Variants in RBBP8 observed in about 807,000 individuals in gnomAD.
RBBP8 encodes RB binding protein 8, endonuclease.
RBBP8 carries 88 observed loss-of-function variants against 108.3 expected under a neutral mutation model. The observed-to-expected ratio is 0.81, with a 90% confidence interval of 0.68 to 0.97. The LOEUF (loss-of-function observed/expected upper bound fraction) is 0.97. Among genes scored for constraint, RBBP8 ranks in the 50% least tolerant of loss-of-function variants. RBBP8 has a pLI of 0.00. For missense variants in RBBP8, 1,023 were observed against 1,049.0 expected (o/e 0.98, Z 0.34); for synonymous variants, 332 against 348.2 (o/e 0.95, Z 0.52).
intron 8 of RBBP8, among the ~76,000 whole-genome samples, chr18:22,988,887 G>T (rs1031739966): frequency 1.3e-5 from 2 of 152,202 alleles, no homozygotes; most frequent in Non-Finnish European, 2.9e-5. Flanking sequence ...TGATATTCAT[G>T]CTGTAACATA....
At chr18:22,969,170 G>A (rs745581276) in intron 5 of RBBP8, among the ~76,000 whole-genome samples, 3 of 150,868 alleles carry the variant, frequency 2.0e-5, no homozygotes, top group Non-Finnish European at 4.4e-5. Context: ...CAAGAAGCAG[G>A]TGGTGTTTTT....
At chr18:22,989,350 A>T (rs1239044517) in intron 9 of RBBP8, 32 bp downstream of exon 9, 1 of 1,450,384 alleles carries the variant, frequency 6.9e-7, no homozygotes. Context: ...CAATAACATG[A>T]ATTAATTTTA....
chr18:23,011,691 G>C (rs938124895), intron 16 of RBBP8, among the ~76,000 whole-genome samples: 1 of 152,006 alleles, frequency 6.6e-6, no homozygotes, highest in African/African-American at 2.4e-5. Context: ...CGCCTGCCTA[G>C]GTCTCCCAAA....
intron 17 of RBBP8, among the ~76,000 whole-genome samples, chr18:23,020,581 A>G (rs1162723770): frequency 6.6e-6 from 1 of 152,124 alleles, no homozygotes; most frequent in Non-Finnish European, 1.5e-5. Flanking sequence ...CAGCTCAGCA[A>G]TGAATGGCCT....
chr18:22,980,871 C>T (rs1014244786), intron 6 of RBBP8, among the ~76,000 whole-genome samples: 3 of 150,204 alleles, frequency 2.0e-5, no homozygotes, highest in South Asian at 2.1e-4. Flanking sequence ...TGTGCCACCA[C>T]GCCTGGCAAA....
At chr18:22,928,398 A>C (rs1361244974), upstream of RBBP8, among the ~76,000 whole-genome samples, 1 of 152,112 alleles carries the variant, frequency 6.6e-6, no homozygotes, top group Admixed American at 6.5e-5. Context: ...ATGAAGAGAG[A>C]TGTTAGGTTA....
At chr18:22,946,073 A>G (rs1911533637) in intron 2 of RBBP8, among the ~76,000 whole-genome samples, 1 of 152,234 alleles carries the variant, frequency 6.6e-6, no homozygotes, top group African/African-American at 2.4e-5. Flanking sequence ...TTCCTACCAC[A>G]GTCTAGTTTA....
At chr18:23,006,222 T>A in intron 15 of RBBP8, 141 bp from the exon 16 acceptor site, 1 of 719,600 alleles carries the variant, frequency 1.4e-6, no homozygotes, top group Non-Finnish European at 2.4e-6. Context: ...TTGCAGAAAA[T>A]TTAAATGAGT....
At chr18:23,013,177 T>C (rs1221691610) in intron 16 of RBBP8, among the ~76,000 whole-genome samples, 1 of 152,130 alleles carries the variant, frequency 6.6e-6, no homozygotes, top group Non-Finnish European at 1.5e-5. Flanking sequence ...AGTGATATTA[T>C]AGTAGAGAAA....
At chr18:22,941,565 T>G (rs1033407693) in intron 2 of RBBP8, among the ~76,000 whole-genome samples, 1 of 152,106 alleles carries the variant, frequency 6.6e-6, no homozygotes, top group Non-Finnish European at 1.5e-5. Flanking sequence ...AATCCCTATT[T>G]TACAGTGAGG....
At position 22,993,477 on chromosome 18, in the gene RBBP8, A is replaced by G; in HGVS notation, c.1650A>G (p.Pro550=). The change falls in exon 11 of 19, where the codon CCA becomes CCG. Residue 550 remains proline, a synonymous_variant. Transcript: ENST00000327155. ...DGNCTLPKDS[P]GEPCSQECII... ...ACTGCACGTTGCCCAAAGATTCCCC[A>G]GGGGAGCCCTGTTCACAGGAATGCA... is the stretch of plus-strand genomic sequence containing the variant. 1 of 1,614,214 alleles carries G rather than the reference A, an allele frequency of 6.2e-7. No individual in the cohort carries two copies. Among genetic ancestry groups the G allele is most frequent in the Non-Finnish European group, 8.5e-7 (1 of 1,180,036 alleles).
At chr18:22,965,273 T>G (rs550429879) in intron 4 of RBBP8, among the ~76,000 whole-genome samples, 2 of 152,148 alleles carry the variant, frequency 1.3e-5, no homozygotes, top group Non-Finnish European at 2.9e-5. Flanking sequence ...CTTTTGATAC[T>G]TGGTTATTTG....
intron 12 of RBBP8, 75 bp from the exon 13 acceptor site, chr18:22,996,299 G>A: frequency 1.3e-6 from 2 of 1,580,516 alleles, no homozygotes; most frequent in Non-Finnish European, 8.6e-7. Context: ...TATTCTTTAG[G>A]TCCCATAATA....
At chr18:23,001,837 C>T in intron 15 of RBBP8, 108 bp downstream of exon 15, 1 of 1,389,908 alleles carries the variant, frequency 7.2e-7, no homozygotes, top group Non-Finnish European at 9.9e-7. Context: ...ATTGAAGTTT[C>T]ATATTTCTTG....
At chr18:22,946,268 A>G in intron 2 of RBBP8, 176 bp from the exon 3 acceptor site, 1 of 722,944 alleles carries the variant, frequency 1.4e-6, no homozygotes, top group Non-Finnish European at 2.2e-6. Flanking sequence ...ATAGACTAAA[A>G]GCAATACATT....
chr18:22,970,916 C>G (rs1489925932), intron 5 of RBBP8, among the ~76,000 whole-genome samples: 3 of 152,052 alleles, frequency 2.0e-5, no homozygotes, highest in Non-Finnish European at 4.4e-5. Context: ...TCTCTATCCC[C>G]AAGAATATAA....
intron 12 of RBBP8, among the ~76,000 whole-genome samples, chr18:22,995,654 C>A (rs1346886805): frequency 6.6e-6 from 1 of 152,114 alleles, no homozygotes; most frequent in Admixed American, 6.5e-5. Context: ...TAAATGGAAT[C>A]GTTTAATATA....
chr18:22,969,070 T>A, intron 5 of RBBP8, 152 bp downstream of exon 5: 2 of 630,798 alleles, frequency 3.2e-6, no homozygotes, highest in South Asian at 3.8e-5. Context: ...TTTTTGTAGA[T>A]TTAATCTCAT....
chr18:22,979,582 T>G (rs967256203), intron 6 of RBBP8, among the ~76,000 whole-genome samples: 1 of 152,218 alleles, frequency 6.6e-6, no homozygotes, highest in African/African-American at 2.4e-5. Context: ...ACGAGTCTAA[T>G]AGGACAGACT....
Sources: allele counts gnomAD v4.1 joint callset (sites outside exome capture counted in the v4.1 genomes callset), GRCh38; gene constraint gnomAD v4.1.1; transcripts MANE v1.5; gene names NCBI Gene and HGNC (gene_info 2026-07-23, HGNC 2026-07-21).